The following EPB41L4A variants were observed in gnomAD, a reference collection of about 807,000 sequenced individuals.
The protein encoded by EPB41L4A is band 4.1-like protein 4A.
Under a neutral mutation model 108.6 loss-of-function variants are expected in EPB41L4A, and 100 were observed. The observed-to-expected ratio is 0.92, with a 90% confidence interval of 0.78 to 1.09. The LOEUF (loss-of-function observed/expected upper bound fraction) is 1.09, where lower values mean the gene tolerates loss of function less well. EPB41L4A is among the 50% of genes least tolerant of loss of function. The pLI is 0.00. For synonymous variants in EPB41L4A, 319 were observed against 289.0 expected, an observed-to-expected ratio of 1.10 and a Z score of -1.05; for missense variants, 1,030 against 842.7, an observed-to-expected ratio of 1.22 and a Z score of -2.75.
At chr5:112,343,039 T>G in intron 1 of EPB41L4A, among the ~76,000 whole-genome samples, 1 of 152,166 alleles carries the variant, frequency 6.6e-6, no homozygotes, top group African/African-American at 2.4e-5. Context: ...TAGATCCCAT[T>G]TGGAAGCAAC....
downstream of EPB41L4A, chr5:112,160,395 A>G (rs979766038): frequency 6.6e-6 from 1 of 152,158 alleles, no homozygotes; most frequent in African/African-American, 2.4e-5. Flanking sequence ...AGAATGTACC[A>G]CAGAAACCTT....
intron 1 of EPB41L4A, among the ~76,000 whole-genome samples, chr5:112,349,036 G>A (rs1220133520): frequency 2.0e-5 from 3 of 152,176 alleles, no homozygotes; most frequent in Admixed American, 2.0e-4. Context: ...CCAACAGAGA[G>A]GAAACTCCCA....
chr5:112,264,940 C>T lies in EPB41L4A; in HGVS notation c.510G>A (p.Lys170=), dbSNP rs977471204. 2 of 1,612,044 alleles carry T rather than the reference C, an allele frequency of 1.2e-6. No homozygotes were observed. The highest frequency in any genetic ancestry group is 1.7e-6 in the Non-Finnish European group (2 of 1,179,254). The change falls in exon 6 of 23, where the codon AAG becomes AAA. Residue 170 remains lysine (K), a synonymous_variant. Transcript: ENST00000261486. ...TTTCTATGGCTTCTTCAAGTTCTTCCTTCTGATCAGGAACAAACCGGTACT... is the reference window on the plus strand; with the variant it reads ...TTTCTATGGCTTCTTCAAGTTCTTCTTTCTGATCAGGAACAAACCGGTACT... ...VSEYRFVPDQ[K]EELEEAIERI... is the part of the protein sequence containing the mutation.
chr5:112,249,148 G>A (rs1387996396), intron 9 of EPB41L4A: 1 of 152,154 alleles, frequency 6.6e-6, no homozygotes, highest in Non-Finnish European at 1.5e-5. Flanking sequence ...CAGCAGAGAG[G>A]TTTCCTACTG....
intron 1 of EPB41L4A, among the ~76,000 whole-genome samples, chr5:112,334,964 G>C (rs1756825217): frequency 6.6e-6 from 1 of 152,126 alleles, no homozygotes; most frequent in East Asian, 1.9e-4. Context: ...CACAACTTTA[G>C]GAAATGTTTC....
chr5:112,237,632 C>A (rs1749445109), intron 11 of EPB41L4A, among the ~76,000 whole-genome samples: 2 of 152,186 alleles, frequency 1.3e-5, no homozygotes, highest in Admixed American at 1.3e-4. Flanking sequence ...GTTTCCAGAG[C>A]TCTGCTTTCA....
intron 4 of EPB41L4A, among the ~76,000 whole-genome samples, chr5:112,272,211 T>C (rs1752307460): frequency 6.7e-6 from 1 of 149,960 alleles, no homozygotes; most frequent in South Asian, 2.1e-4. Context: ...CTTGGCTCAC[T>C]GCAACCTCCG....
intron 9 of EPB41L4A, chr5:112,256,936 T>C (rs1011284011): frequency 1.2e-4 from 18 of 152,226 alleles, no homozygotes; most frequent in African/African-American, 4.3e-4. Context: ...TAAAAAATTA[T>C]GTAAACAACA....
At chr5:112,157,702 A>T (rs959567748), downstream of EPB41L4A, among the ~76,000 whole-genome samples, 10 of 152,102 alleles carry the variant, frequency 6.6e-5, no homozygotes, top group Admixed American at 3.9e-4. Context: ...TTCCATTTTT[A>T]TCCCCCTATC....
chr5:112,163,473 ACT>A lies in EPB41L4A; in HGVS notation c.*1515_*1516del, dbSNP rs1760040649. Reference sequence around the variant, plus strand: ...GGGCCTAGGGTCTGAAGTTTGAGAAACTCCACTAATTAATGGCAAGGTAAAGC... The same window carrying A: ...GGGCCTAGGGTCTGAAGTTTGAGAAACCACTAATTAATGGCAAGGTAAAGC... On this transcript the variant is annotated 3_prime_UTR_variant, in exon 23 of 23. Transcript: ENST00000261486. 6.6e-6 allele frequency: 1 copy of A among 152,128 alleles called. No homozygotes were observed. The highest frequency in any genetic ancestry group is 1.5e-5 in the Non-Finnish European group (1 of 68,054). 9.4% of individuals were successfully genotyped at this position (152,128 alleles called of 1,614,324 possible).
chr5:112,216,057 G>T (rs961589132), intron 12 of EPB41L4A, among the ~76,000 whole-genome samples: 6 of 152,172 alleles, frequency 3.9e-5, no homozygotes, highest in African/African-American at 1.4e-4. Flanking sequence ...TGGTGCATCA[G>T]ACCACTACCA....
At chr5:112,330,457 C>T (rs114970195) in intron 1 of EPB41L4A, among the ~76,000 whole-genome samples, 1 of 152,060 alleles carries the variant, frequency 6.6e-6, no homozygotes, top group Admixed American at 6.5e-5. Flanking sequence ...ATGTACCTCT[C>T]GCATTGTCTT....
intron 1 of EPB41L4A, among the ~76,000 whole-genome samples, chr5:112,319,983 G>A (rs1469984012): frequency 6.6e-6 from 1 of 152,190 alleles, no homozygotes; most frequent in Non-Finnish European, 1.5e-5. Context: ...AGCCTATGTG[G>A]TAAAACGTAA....
At chr5:112,370,272 A>G (rs534594879) in intron 1 of EPB41L4A, among the ~76,000 whole-genome samples, 55 of 150,970 alleles carry the variant, frequency 3.6e-4, no homozygotes, top group African/African-American at 1.3e-3. Context: ...CCTGGACTCC[A>G]GTAATCCTCC....
At chr5:112,321,140 A>C (rs1480713398) in intron 1 of EPB41L4A, among the ~76,000 whole-genome samples, 1 of 152,174 alleles carries the variant, frequency 6.6e-6, no homozygotes, top group Non-Finnish European at 1.5e-5. Context: ...GGCAATTCTA[A>C]AAGCTTGGGA....
chr5:112,243,733 G>GT lies in EPB41L4A; in HGVS notation c.796-2924_796-2923insA, dbSNP rs1181151607. ...GATGGCTACTGTCCTTCAACCTAAT[G>GT]AACCAACCTCTGCTAGCTTCCTACT... On this transcript the variant is annotated intron_variant, in intron 9 of 22. Coordinates refer to ENST00000261486, the MANE Select transcript of EPB41L4A (RefSeq NM_022140.5). Among the ~76,000 whole-genome samples the GT allele has an allele frequency of 4.5e-4, 68 of 152,230 alleles. 1 individual carries two copies. The highest frequency in any genetic ancestry group is 1.6e-3 in the African/African-American group (67 of 41,536).
chr5:112,273,551 A>G (rs1752415733), intron 4 of EPB41L4A, among the ~76,000 whole-genome samples: 1 of 152,220 alleles, frequency 6.6e-6, no homozygotes, highest in African/African-American at 2.4e-5. Context: ...ATAGAATGAA[A>G]TAAGTATTAG....
At chr5:112,360,142 C>T (rs1204972149) in intron 1 of EPB41L4A, among the ~76,000 whole-genome samples, 2 of 152,170 alleles carry the variant, frequency 1.3e-5, no homozygotes, top group African/African-American at 4.8e-5. Context: ...AAGTAATTAT[C>T]AGGCCAGGCA....
intron 9 of EPB41L4A, among the ~76,000 whole-genome samples, chr5:112,251,858 T>G (rs1580532522): frequency 6.6e-6 from 1 of 152,094 alleles, no homozygotes; most frequent in Non-Finnish European, 1.5e-5. Context: ...AAGGAAGACA[T>G]GAATGATAAG....
Sources: allele counts gnomAD v4.1 joint callset (sites outside exome capture counted in the v4.1 genomes callset), GRCh38; gene constraint gnomAD v4.1.1; transcripts MANE v1.5; gene names NCBI Gene and HGNC (gene_info 2026-07-23, HGNC 2026-07-21).